The following POLR3C variants were observed in gnomAD, a reference collection of about 807,000 sequenced individuals.
POLR3C encodes RNA polymerase III subunit C.
A neutral mutation model predicts 65.9 loss-of-function variants in POLR3C; 44 were observed. The observed-to-expected ratio is 0.67, with a 90% CI of 0.52 to 0.86. POLR3C has a LOEUF of 0.86. Ranked by LOEUF, POLR3C falls within the 40% of genes least tolerant of loss-of-function variation. The probability of loss-of-function intolerance (pLI) is 0.00; values close to 1 mark genes in which losing one functional copy is unlikely to be tolerated. For missense variants in POLR3C, 576 were observed against 653.2 expected (o/e 0.88, Z 1.29); for synonymous variants, 263 against 231.6 (o/e 1.14, Z -1.23).
intron 4 of POLR3C, 87 bp from the exon 5 acceptor site, chr1:145,828,662 T>C (rs587716689): frequency 8.6e-6 from 8 of 932,232 alleles, no homozygotes; most frequent in Non-Finnish European, 1.2e-5. Flanking sequence ...CAGATGTCTT[T>C]GGAATGAAAG....
At chr1:145,842,225 A>C (rs1652346712) in intron 14 of POLR3C, 114 bp from the exon 15 acceptor site, 1 of 649,222 alleles carries the variant, frequency 1.5e-6, no homozygotes, top group African/African-American at 1.8e-5. Context: ...CTTTCTTTCC[A>C]TCCACTCTCA....
In POLR3C at chr1:145,832,818, T is replaced by C. The variant is rs373090889; in HGVS notation, c.679-442T>C. On this transcript the variant is annotated intron_variant, in intron 5 of 14. Coordinates refer to ENST00000334163, the MANE Select transcript of POLR3C (RefSeq NM_006468.8). Reference sequence around the variant, plus strand: ...AGGCAGATCACCTGAGGTCAGGAGTTCGAGACCAGCCTGGCCAACATTGTA... The same window carrying C: ...AGGCAGATCACCTGAGGTCAGGAGTCCGAGACCAGCCTGGCCAACATTGTA... 3.9e-5 allele frequency among the ~76,000 whole-genome samples: 6 copies of C among 152,066 alleles called. No homozygotes were observed. In the East Asian group the frequency reaches 1.2e-3, roughly 29 times the overall value.
chr1:145,830,347 T>A (rs935939906), intron 5 of POLR3C, among the ~76,000 whole-genome samples: 5 of 150,986 alleles, frequency 3.3e-5, no homozygotes, highest in African/African-American at 1.2e-4. Flanking sequence ...ATTGTAGTAA[T>A]CCAGATGGGC....
intron 5 of POLR3C, among the ~76,000 whole-genome samples, chr1:145,832,641 CTG>C (rs1169344554): frequency 1.3e-5 from 2 of 152,096 alleles, no homozygotes; most frequent in Non-Finnish European, 2.9e-5. Flanking sequence ...TCTATTTTCT[CTG>C]TGAAATGAGA....
intron 11 of POLR3C, among the ~76,000 whole-genome samples, chr1:145,839,211 C>T (rs1185846197): frequency 6.6e-6 from 1 of 152,146 alleles, no homozygotes; most frequent in African/African-American, 2.4e-5. Flanking sequence ...GCAGAGGTTG[C>T]AGTGAGCCAA....
chr1:145,839,131 C>T (rs1214807610), intron 11 of POLR3C, among the ~76,000 whole-genome samples: 2 of 152,124 alleles, frequency 1.3e-5, no homozygotes, highest in South Asian at 2.1e-4. Context: ...ATTAGCTGGG[C>T]GTGGTGCCGT....
Position 145,833,483 on chromosome 1 carries a change from C to T in POLR3C, c.784-7C>T, listed in dbSNP as rs587738422. On this transcript the variant is annotated splice_polypyrimidine_tract_variant and splice_region_variant and intron_variant, in intron 6 of 14. Coordinates refer to ENST00000334163, the MANE Select transcript of POLR3C (RefSeq NM_006468.8). Reference sequence around the variant, plus strand: ...GATTTCTGAATTCTAGTTTACTTTTCAAACAGACAAGCAGCGAGATTGTGC... The same window carrying T: ...GATTTCTGAATTCTAGTTTACTTTTTAAACAGACAAGCAGCGAGATTGTGC... 6.2e-7 allele frequency: 1 copy of T among 1,610,870 alleles called. No individual in the cohort carries two copies. Among genetic ancestry groups the T allele is most frequent in the South Asian group, 1.1e-5 (1 of 91,018 alleles).
intron 5 of POLR3C, among the ~76,000 whole-genome samples, chr1:145,829,211 C>G (rs187666297): frequency 2.4e-3 from 370 of 152,164 alleles, no homozygotes; most frequent in African/African-American, 8.4e-3. Context: ...TGTCAGTAAG[C>G]ATCTCAAATT....
At position 145,830,756 on chromosome 1, in the gene POLR3C, G is replaced by A. The variant is rs57525992; in HGVS notation, c.678+1919G>A. ...AGGGGTTGCAGTGAGCTGAGATCAC[G>A]CCACTGCACTCCATCCTTGGTGACA... is the stretch of plus-strand genomic sequence containing the variant. On this transcript the variant is annotated intron_variant, in intron 5 of 14. Coordinates refer to ENST00000334163, the MANE Select transcript of POLR3C (RefSeq NM_006468.8). Among the ~76,000 whole-genome samples, 1,176 of 150,246 alleles carry A rather than the reference G, an allele frequency of 7.8e-3. 40 individuals are homozygous for A. The East Asian group carries it at 0.098, about 12-fold the overall frequency.
Position 145,837,549 on chromosome 1 carries a change from A to G in POLR3C, c.1023A>G (p.Ala341=), listed in dbSNP as rs1360848794. The change falls in exon 10 of 15, where the codon GCA becomes GCG. Residue 341 remains alanine, a synonymous_variant. Coordinates refer to ENST00000334163, the MANE Select transcript of POLR3C (RefSeq NM_006468.8). The stretch of plus-strand genomic sequence containing the variant: ...CTCTACATAAAGACCTCCATAAGGC[A>G]TTAGCATCCCTAGCCACAGCCACTC... ...GGMYVINLHK[A]LASLATATLE... The G allele has an allele frequency of 3.7e-6, 6 of 1,602,686 alleles. No homozygotes were observed. Among genetic ancestry groups the G allele is most frequent in the Non-Finnish European group, 5.1e-6 (6 of 1,172,818 alleles).
Position 145,840,911 on chromosome 1 carries a change from T to G in POLR3C, c.1374-11T>G. The G allele has an allele frequency of 6.2e-7, 1 of 1,610,400 alleles. No individual in the cohort carries two copies. On this transcript the variant is annotated splice_polypyrimidine_tract_variant and intron_variant, in intron 13 of 14. Transcript: ENST00000334163. ...TAGGGAAGATGTCTCAGAGTTGTGT[T>G]TGTTTGACAGGCGTCTACTAGAAAA...
rs9728345 is a variant in POLR3C, at chr1:145,837,693, G to T, written c.1070+97G>T. On this transcript the variant is annotated intron_variant, in intron 10 of 14. Transcript: ENST00000334163. The stretch of plus-strand genomic sequence containing the variant: ...AAGCCACCAATATAACCACACCTTG[G>T]CATACTTTTCCCCATTTTTTCACTG... The T allele has an allele frequency of 0.32, 264,238 of 833,246 alleles. 45,514 individuals carry two copies. The highest frequency in any genetic ancestry group is 0.36 in the Non-Finnish European group (174,191 of 482,196). The allele number at this position is 833,246 out of a possible 1,614,324, so 51.6% of individuals were successfully genotyped here. A position where few individuals can be genotyped will look rare whatever the true frequency, so the allele number is the denominator to read the frequency against.
intron 5 of POLR3C, among the ~76,000 whole-genome samples, chr1:145,833,014 C>G (rs1169966647): frequency 2.6e-5 from 4 of 151,976 alleles, no homozygotes; most frequent in African/African-American, 9.7e-5. Flanking sequence ...GAGCAAAACT[C>G]CGTCTCAGAA....
At chr1:145,826,750 A>G in intron 3 of POLR3C, 41 bp downstream of exon 3, 2 of 1,611,730 alleles carry the variant, frequency 1.2e-6, no homozygotes, top group Non-Finnish European at 1.7e-6. Flanking sequence ...AGCATAGATC[A>G]GCTGGCTATG....
chr1:145,842,116 C>T (rs1455925120), intron 14 of POLR3C, among the ~76,000 whole-genome samples: 1 of 152,144 alleles, frequency 6.6e-6, no homozygotes, highest in East Asian at 1.9e-4. Flanking sequence ...TACCTTCCCC[C>T]AGGACAGAGG....
intron 8 of POLR3C, 59 bp from the exon 9 acceptor site, chr1:145,836,756 A>G (rs1651883314): frequency 1.7e-6 from 2 of 1,157,954 alleles, no homozygotes; most frequent in African/African-American, 1.5e-5. Context: ...GATTTGTTCC[A>G]TTGGAAACAG....
At position 145,837,576 on chromosome 1, in the gene POLR3C, G is replaced by A; in HGVS notation, c.1050G>A (p.Leu350=). ...TAGCATCCCTAGCCACAGCCACTCT[G>A]GAGTCCGTCGTACAGGAGAGGTAAG... ...KALASLATAT[L]ESVVQERFGS... The change falls in exon 10 of 15, where the codon CTG becomes CTA. Residue 350 remains leucine (L), a synonymous_variant. Transcript: ENST00000334163. The A allele has an allele frequency of 6.2e-7, 1 of 1,608,068 alleles. No homozygotes were observed. The highest frequency in any genetic ancestry group is 8.5e-7 in the Non-Finnish European group (1 of 1,176,218).
intron 2 of POLR3C, 64 bp downstream of exon 2, chr1:145,825,987 A>C: frequency 7.5e-7 from 1 of 1,328,186 alleles, no homozygotes; most frequent in South Asian, 1.2e-5. Context: ...CCACCTTTGA[A>C]TATTGTTCTT....
intron 7 of POLR3C, among the ~76,000 whole-genome samples, chr1:145,834,425 G>A (rs1651616362): frequency 6.6e-6 from 1 of 151,956 alleles, no homozygotes; most frequent in Non-Finnish European, 1.5e-5. Flanking sequence ...CTAGCACTTT[G>A]GGAGGCCCAG....
Sources: gnomAD v4.1 joint callset for allele counts (sites outside exome capture counted in the v4.1 genomes callset) on GRCh38, gnomAD v4.1.1 for gene constraint, MANE v1.5 for transcripts, NCBI Gene and HGNC (gene_info 2026-07-23, HGNC 2026-07-21) for gene names.